CARS1: variants seen among roughly 807,000 people sequenced by gnomAD.
The protein encoded by CARS1 is cysteine--tRNA ligase, cytoplasmic.
A neutral mutation model predicts 106.2 loss-of-function variants in CARS1; 48 were observed. The ratio of observed to expected loss-of-function variants is 0.45; its 90% CI spans 0.36 to 0.57. CARS1 has a LOEUF of 0.57. CARS1 is among the 20% of genes least tolerant of loss of function. The pLI is 0.00. For missense variants in CARS1, 968 were observed against 1,057.2 expected (o/e 0.92, Z 1.17); for synonymous variants, 409 against 403.4 (o/e 1.01, Z -0.17).
chr11:3,052,252 A>G lies in CARS1; in HGVS notation c.26-4251T>C, dbSNP rs1855773822. Among the ~76,000 whole-genome samples, 1 of 152,200 alleles carries G rather than the reference A, an allele frequency of 6.6e-6. No homozygotes were observed. Among genetic ancestry groups the G allele is most frequent in the Non-Finnish European group, 1.5e-5 (1 of 68,022 alleles). On this transcript the variant is annotated intron_variant, in intron 1 of 22. Coordinates refer to ENST00000380525, the MANE Select transcript of CARS1 (RefSeq NM_001014437.3). This position sits in a 1 kb window ranked among gnomAD's most constrained non-coding sequence, Gnocchi z 4.6. ...CAGGGCTGAGTACCTACACTCACAC[A>G]CACGGCGGCATTTCCTCACGGTAAA...
chr11:3,017,232 G>C lies in CARS1; in HGVS notation c.1791C>G (p.Val597=), dbSNP rs374189705. The C allele has an allele frequency of 3.7e-6, 6 of 1,614,088 alleles. No individual in the cohort carries two copies. The highest frequency in any genetic ancestry group is 5.1e-6 in the Non-Finnish European group (6 of 1,179,950). ...TGACCAAGGCCCGCATCTCTTCCAT[G>C]ACGGTGCGGGTGTCAACATTGTCAC... ...ALCDNVDTRT[V]MEEMRALVSQ... Residue 597 remains valine (V), a synonymous_variant, in exon 16 of 23, where the codon GTC becomes GTG. Coordinates refer to ENST00000380525, the MANE Select transcript of CARS1 (RefSeq NM_001014437.3). The surrounding 1 kb of genome is among the most constrained non-coding windows in gnomAD (Gnocchi z 4.9).
chr11:3,038,832 G>A lies in CARS1; in HGVS notation c.651+362C>T, dbSNP rs779531253. 7.2e-5 allele frequency among the ~76,000 whole-genome samples: 11 copies of A among 152,218 alleles called. No individual in the cohort carries two copies. Among genetic ancestry groups the A allele is most frequent in the African/African-American group, 2.7e-4 (11 of 41,450 alleles). On this transcript the variant is annotated intron_variant, in intron 6 of 22. Coordinates refer to ENST00000380525, the MANE Select transcript of CARS1 (RefSeq NM_001014437.3). This position sits in a 1 kb window ranked among gnomAD's most constrained non-coding sequence, Gnocchi z 4.0. ...AATTAAAAAGCTTAGTATAGCTTTT[G>A]TATCTTGGGCAGAAGTTTCTGATTT...
At position 3,020,552 on chromosome 11, in the gene CARS1, C is replaced by G. The variant is rs564882117; in HGVS notation, c.1154-220G>C. Among the ~76,000 whole-genome samples, 1 of 152,332 alleles carries G rather than the reference C, an allele frequency of 6.6e-6. No homozygotes were observed. Among genetic ancestry groups the G allele is most frequent in the African/African-American group, 2.4e-5 (1 of 41,558 alleles). ...AAACGGTACATAATCCCCAAAGTCA[C>G]CAGCTTATATACCTGGCTGACTTGA... On this transcript the variant is annotated intron_variant, in intron 10 of 22. Transcript: ENST00000380525. The surrounding 1 kb of genome is among the most constrained non-coding windows in gnomAD (Gnocchi z 4.6).
Position 3,004,572 on chromosome 11 carries a change from G to A in CARS1, c.2217+794C>T, listed in dbSNP as rs563973245. On this transcript the variant is annotated intron_variant, in intron 20 of 22. Coordinates refer to ENST00000380525, the MANE Select transcript of CARS1 (RefSeq NM_001014437.3). This position sits in a 1 kb window ranked among gnomAD's most constrained non-coding sequence, Gnocchi z 5.2. ...CCACCTCCCATGGTGTGCACTGGGG[G>A]CCCAGGTGCCTCTCATCCTGCTGCC... Among the ~76,000 whole-genome samples the A allele has an allele frequency of 7.9e-5, 12 of 152,318 alleles. No individual in the cohort carries two copies. The East Asian group carries it at 1.7e-3, about 22-fold the overall frequency.
chr11:3,013,388 G>A (rs1024175082), intron 17 of CARS1, among the ~76,000 whole-genome samples: 50 of 152,116 alleles, frequency 3.3e-4, no homozygotes, highest in African/African-American at 1.0e-3. Flanking sequence ...CCGACCTCAG[G>A]TGATTCACCC....
In CARS1 at chr11:3,044,173, C is replaced by T. The variant is rs190162875; in HGVS notation, c.275-1917G>A. ...GACAGCTGGAGACGCTGCCCAGAAA[C>T]ACAGCCATGAGGCCACGGGATCATC... On this transcript the variant is annotated intron_variant, in intron 2 of 22. Transcript: ENST00000380525. This position sits in a 1 kb window ranked among gnomAD's most constrained non-coding sequence, Gnocchi z 4.4. Among the ~76,000 whole-genome samples the T allele has an allele frequency of 2.3e-3, 347 of 152,302 alleles. No individual in the cohort carries two copies. The highest frequency in any genetic ancestry group is 6.8e-3 in the Middle Eastern group (2 of 294).
At chr11:3,012,048 A>ATGCC in intron 18 of CARS1, 147 bp downstream of exon 18, 1 of 699,166 alleles carries the variant, frequency 1.4e-6, no homozygotes, top group Non-Finnish European at 2.5e-6. Context: ...CAGGCCCGGG[A>ATGCC]TGCCGTTCAA....
At chr11:3,007,050 G>C (rs912118545) in intron 18 of CARS1, 91 bp from the exon 19 acceptor site, 3 of 1,024,708 alleles carry the variant, frequency 2.9e-6, no homozygotes, top group African/African-American at 1.6e-5. Context: ...AGGAGGGGCC[G>C]TGGCCCACAG....
intron 2 of CARS1, among the ~76,000 whole-genome samples, chr11:3,042,860 A>G (rs1326032084): frequency 2.0e-5 from 3 of 152,232 alleles, no homozygotes; most frequent in Admixed American, 6.5e-5. Context: ...GCCAGGAGTC[A>G]GAGCAGAAAG....
At chr11:3,036,623 AGAATATCAAAAATAGAATCATCACAT>A (rs1330290492) in intron 7 of CARS1, among the ~76,000 whole-genome samples, 9 of 152,254 alleles carry the variant, frequency 5.9e-5, no homozygotes, top group Non-Finnish European at 4.4e-5. Context: ...GTGGTTACGC[AGAATATCAAAAATAGAATCATCACAT>A]GACCCAGCAA....
At position 3,035,942 on chromosome 11, in the gene CARS1, G is replaced by A. The variant is rs532851325; in HGVS notation, c.801+2108C>T. Among the ~76,000 whole-genome samples the A allele has an allele frequency of 6.6e-5, 10 of 152,388 alleles. No homozygotes were observed. In the South Asian group the frequency reaches 1.9e-3, roughly 28 times the overall value. On this transcript the variant is annotated intron_variant, in intron 7 of 22. Transcript: ENST00000380525. ...CTAAGAGGCCGGGAAACCCAGCTCT[G>A]TGGCAGCAGCCCCCAGTGGGCTGTT...
rs1851978767 is a variant in CARS1, at chr11:3,025,624, CG to C, written c.1153+1051del. On this transcript the variant is annotated intron_variant, in intron 10 of 22. Coordinates refer to ENST00000380525, the MANE Select transcript of CARS1 (RefSeq NM_001014437.3). Reference sequence around the variant, plus strand: ...TGTCTTCCAGAAACACTAGGACAGGCGGGGTGGGGGTGCAGAACGTGCCCTG... The same window carrying C: ...TGTCTTCCAGAAACACTAGGACAGGCGGGTGGGGGTGCAGAACGTGCCCTG... Among the ~76,000 whole-genome samples, 5 of 152,190 alleles carry C rather than the reference CG, an allele frequency of 3.3e-5. No individual in the cohort carries two copies. In the South Asian group the frequency reaches 1.0e-3, roughly 31 times the overall value.
At chr11:3,015,630 T>A in intron 17 of CARS1, 151 bp downstream of exon 17, 1 of 702,230 alleles carries the variant, frequency 1.4e-6, no homozygotes, top group Non-Finnish European at 2.5e-6. Context: ...CTTAGCACTC[T>A]CAGAGCCAGA....
intron 14 of CARS1, 123 bp from the exon 15 acceptor site, chr11:3,018,077 A>C: frequency 3.0e-6 from 2 of 661,638 alleles, no homozygotes; most frequent in Non-Finnish European, 5.3e-6. Flanking sequence ...GAATTACACA[A>C]GTGGTCAGAA....
chr11:3,037,961 T>C lies in CARS1; in HGVS notation c.801+89A>G. 7.6e-7 allele frequency: 1 copy of C among 1,310,494 alleles called. No homozygotes were observed. Among genetic ancestry groups the C allele is most frequent in the Non-Finnish European group, 1.1e-6 (1 of 944,226 alleles). The allele number at this position is 1,310,494 out of a possible 1,614,324, so 81.2% of individuals were successfully genotyped here. A position where few individuals can be genotyped will look rare whatever the true frequency, so the allele number is the denominator to read the frequency against. On this transcript the variant is annotated intron_variant, in intron 7 of 22. Coordinates refer to ENST00000380525, the MANE Select transcript of CARS1 (RefSeq NM_001014437.3). This position sits in a 1 kb window ranked among gnomAD's most constrained non-coding sequence, Gnocchi z 5.9. ...CAGAGTGTCTTCCACTAAGACAATC[T>C]GTGGAATCAATCCGTGCACACAGAT...
chr11:3,055,928 T>G (rs1347511595), intron 1 of CARS1, among the ~76,000 whole-genome samples: 1 of 152,206 alleles, frequency 6.6e-6, no homozygotes, highest in Non-Finnish European at 1.5e-5. Flanking sequence ...GTTGGAACCC[T>G]GGCCCTTCCA....
chr11:3,012,832 G>T (rs1020201900), intron 17 of CARS1, among the ~76,000 whole-genome samples: 1 of 150,152 alleles, frequency 6.7e-6, no homozygotes, highest in African/African-American at 2.5e-5. Flanking sequence ...ACCACCCACA[G>T]TAACACTGGG....
chr11:3,012,613 G>A (rs975649909), intron 17 of CARS1, among the ~76,000 whole-genome samples: 5 of 152,226 alleles, frequency 3.3e-5, no homozygotes, highest in Non-Finnish European at 7.3e-5. Flanking sequence ...TTGTCTTTAT[G>A]GTTTCAGAGG....
intron 17 of CARS1, among the ~76,000 whole-genome samples, chr11:3,013,479 A>G (rs12793371): frequency 0.32 from 48,390 of 152,112 alleles, 9,589 homozygotes; most frequent in East Asian, 0.63. Context: ...AATAGGACAG[A>G]AAAGGTTTTA....
Sources: allele counts gnomAD v4.1 joint callset (sites outside exome capture counted in the v4.1 genomes callset), GRCh38; gene constraint gnomAD v4.1.1; non-coding constraint Gnocchi (gnomAD v3.1); transcripts MANE v1.5; gene names NCBI Gene and HGNC (gene_info 2026-07-23, HGNC 2026-07-21).